Variants in PHACTR4 observed in about 807,000 individuals in gnomAD.
PHACTR4 encodes protein phosphatase 1, regulatory subunit 124.
Under a neutral mutation model 72.7 loss-of-function variants are expected in PHACTR4, and 51 were observed. The observed-to-expected ratio is 0.70, with a 90% CI of 0.56 to 0.89. PHACTR4 has a LOEUF of 0.89. PHACTR4 is among the 40% of genes least tolerant of loss of function. PHACTR4 has a pLI of 0.00. For synonymous variants in PHACTR4, 255 were observed against 302.5 expected, an observed-to-expected ratio of 0.84 and a Z score of 1.63; for missense variants, 731 against 861.8, an observed-to-expected ratio of 0.85 and a Z score of 1.90.
chr1:28,377,688 T>G (rs969077863), intron 1 of PHACTR4, among the ~76,000 whole-genome samples: 2 of 152,002 alleles, frequency 1.3e-5, no homozygotes, highest in African/African-American at 4.8e-5. Context: ...AAAGTTAGCT[T>G]GGCATGTGGC....
At chr1:28,456,034 ATTTTT>A (rs910781187) in intron 2 of PHACTR4, among the ~76,000 whole-genome samples, 4 of 149,368 alleles carry the variant, frequency 2.7e-5, no homozygotes, top group Non-Finnish European at 6.0e-5. Flanking sequence ...TGTATCAACT[ATTTTT>A]TTTTTGAGAC....
chr1:28,415,246 G>A (rs1366160349), intron 2 of PHACTR4, among the ~76,000 whole-genome samples: 4 of 145,882 alleles, frequency 2.7e-5, no homozygotes, highest in African/African-American at 1.0e-4. Flanking sequence ...GGGCAACAGA[G>A]CGAGACTCTG....
At position 28,493,090 on chromosome 1, in the gene PHACTR4, C is replaced by T. The variant is rs754775218; in HGVS notation, c.2092C>T (p.Arg698Cys). ...EVHEESKHFT[R>C]YHRP The stretch of plus-strand genomic sequence containing the variant: ...TCATGAAGAGAGCAAACATTTTACA[C>T]GGTAAGACCCAAAAGACCCAATCAT... Residue 698 changes from arginine (R) to cysteine (C), a missense_variant and splice_region_variant, in exon 13 of 14, where the codon CGC becomes TGC. Arg to Cys is a radical substitution (Grantham distance 180, BLOSUM62 -3). Transcript: ENST00000373839. 37 of 1,609,936 alleles carry T rather than the reference C, an allele frequency of 2.3e-5. No homozygotes were observed. The highest frequency in any genetic ancestry group is 3.1e-5 in the Non-Finnish European group (37 of 1,176,406).
chr1:28,483,617 C>T (rs985168999), intron 9 of PHACTR4, among the ~76,000 whole-genome samples: 33 of 151,518 alleles, frequency 2.2e-4, no homozygotes, highest in Admixed American at 5.9e-4. Flanking sequence ...CTGGCTAACA[C>T]GATGAAACCC....
chr1:28,393,649 A>G (rs1653238155), intron 1 of PHACTR4, among the ~76,000 whole-genome samples: 2 of 152,084 alleles, frequency 1.3e-5, no homozygotes, highest in South Asian at 4.1e-4. Flanking sequence ...TATATTTACT[A>G]TACTTTTTAA....
chr1:28,484,479 T>A (rs1315775035), intron 9 of PHACTR4, among the ~76,000 whole-genome samples: 1 of 150,898 alleles, frequency 6.6e-6, no homozygotes, highest in Non-Finnish European at 1.5e-5. Context: ...TGTGTGTATG[T>A]GTATATATAT....
In PHACTR4 at chr1:28,493,022, T is replaced by C. The variant is rs1268185311; in HGVS notation, c.2024T>C (p.Ile675Thr). ...TTTGTCTCTACTCCACAGGCTGCCA[T>C]AAGAAAAGAATTAAATGAATTTAAA... ...TKLTPADKAA[I>T]RKELNEFKSS... Residue 675 changes from isoleucine (I) to threonine (T), a missense_variant, in exon 13 of 14, where the codon ATA (isoleucine) becomes ACA (threonine). Physicochemically the swap from Ile to Thr is moderately conservative, Grantham distance 89. This residue lies in a region of PHACTR4 where 110 missense variants were observed against 185.2 expected (regional missense o/e 0.59). Coordinates refer to ENST00000373839, the MANE Select transcript of PHACTR4 (RefSeq NM_001048183.3). 6.2e-7 allele frequency: 1 copy of C among 1,612,188 alleles called. No individual in the cohort carries two copies. The highest frequency in any genetic ancestry group is 1.1e-5 in the South Asian group (1 of 91,030).
chr1:28,482,736 T>C (rs898322504), intron 9 of PHACTR4, among the ~76,000 whole-genome samples: 2 of 151,738 alleles, frequency 1.3e-5, no homozygotes, highest in African/African-American at 2.4e-5. Flanking sequence ...GCCCAGGAGT[T>C]TCAGAGCAAC....
At chr1:28,378,198 T>TAAAAAAA (rs60280611) in intron 1 of PHACTR4, among the ~76,000 whole-genome samples, 10 of 76,402 alleles carry the variant, frequency 1.3e-4, no homozygotes, top group African/African-American at 1.9e-4. Context: ...CTCCATCTCA[T>TAAAAAAA]AAAAAAAAAA....
In PHACTR4 at chr1:28,378,061, G is replaced by A. The variant is rs376308729; in HGVS notation, c.-39+8236G>A. Among the ~76,000 whole-genome samples, 3 of 150,600 alleles carry A rather than the reference G, an allele frequency of 2.0e-5. No individual in the cohort carries two copies. In the East Asian group the frequency reaches 5.9e-4, roughly 30 times the overall value. On this transcript the variant is annotated intron_variant, in intron 1 of 13. Coordinates refer to ENST00000373839, the MANE Select transcript of PHACTR4 (RefSeq NM_001048183.3). ...AAGTACAAAAAATTATCCGGGCATG[G>A]TGGTGGGTGCCTGTAGTCCCAGCTA...
intron 1 of PHACTR4, among the ~76,000 whole-genome samples, chr1:28,370,286 G>C (rs1308426754): frequency 6.6e-6 from 1 of 152,160 alleles, no homozygotes; most frequent in South Asian, 2.1e-4. Flanking sequence ...GCAGAACGGG[G>C]GCTTCGGAGC....
intron 1 of PHACTR4, among the ~76,000 whole-genome samples, chr1:28,387,135 C>T (rs1652618662): frequency 2.0e-5 from 3 of 152,036 alleles, no homozygotes; most frequent in East Asian, 3.9e-4. Flanking sequence ...GTGGCACGCA[C>T]CTATAGTCCC....
intron 9 of PHACTR4, among the ~76,000 whole-genome samples, chr1:28,484,242 AC>A (rs1205826306): frequency 6.6e-6 from 1 of 152,002 alleles, no homozygotes; most frequent in East Asian, 1.9e-4. Flanking sequence ...AATCACTTGA[AC>A]CCAGGAGGCA....
chr1:28,402,165 C>T (rs180989843), intron 1 of PHACTR4, among the ~76,000 whole-genome samples: 1 of 152,222 alleles, frequency 6.6e-6, no homozygotes, highest in African/African-American at 2.4e-5. Context: ...CTTAAGCTGC[C>T]ATTTTACTGA....
intron 1 of PHACTR4, among the ~76,000 whole-genome samples, chr1:28,384,123 T>C (rs1652389230): frequency 6.6e-6 from 1 of 151,996 alleles, no homozygotes; most frequent in African/African-American, 2.4e-5. Flanking sequence ...TGAAGTTTTC[T>C]TTTTTTTGTT....
chr1:28,369,836 C>A lies in PHACTR4; in HGVS notation c.-39+11C>A, dbSNP rs1023270341. 1.1e-5 allele frequency: 5 copies of A among 447,418 alleles called. No homozygotes were observed. Among genetic ancestry groups the A allele is most frequent in the African/African-American group, 2.0e-5 (1 of 49,012 alleles). The allele number at this position is 447,418 out of a possible 1,614,324, so 27.7% of individuals were successfully genotyped here. A position where few individuals can be genotyped will look rare whatever the true frequency, so the allele number is the denominator to read the frequency against. On this transcript the variant is annotated intron_variant, in intron 1 of 13. Transcript: ENST00000373839. The stretch of plus-strand genomic sequence containing the variant: ...GCGGCGGAGATCTGGGTAAGTTCAG[C>A]GAGCAAGGGAAAGTGAGCAGGACGC...
chr1:28,465,707 A>G lies in PHACTR4; in HGVS notation c.294A>G (p.Pro98=), dbSNP rs766907723. ...CAGGTGGTGAGGATCCAGGAAAGCC[A>G]AGCGATGCCATGTTAAAGAATGGCC... ...PEQGGEDPGK[P]SDAMLKNGHT... Residue 98 remains proline, a synonymous_variant, in exon 5 of 14, where the codon CCA becomes CCG. Transcript: ENST00000373839. 1.2e-6 allele frequency: 2 copies of G among 1,613,846 alleles called. No individual in the cohort carries two copies. Among genetic ancestry groups the G allele is most frequent in the Non-Finnish European group, 1.7e-6 (2 of 1,179,906 alleles).
intron 1 of PHACTR4, among the ~76,000 whole-genome samples, chr1:28,371,043 A>T (rs943171933): frequency 1.3e-5 from 2 of 152,214 alleles, no homozygotes; most frequent in Non-Finnish European, 2.9e-5. Context: ...ATTTGGCTAG[A>T]TAATGGTAAC....
chr1:28,496,805 G>A lies in PHACTR4; in HGVS notation c.*256G>A. On this transcript the variant is annotated 3_prime_UTR_variant, in exon 14 of 14. Coordinates refer to ENST00000373839, the MANE Select transcript of PHACTR4 (RefSeq NM_001048183.3). ...ATGCTTGAGGAGTTTTTCCCTTACT[G>A]GCCACCAAAGTTCTGAACCACTTGC... The A allele has an allele frequency of 1.8e-6, 1 of 554,452 alleles. No individual in the cohort carries two copies. The highest frequency in any genetic ancestry group is 3.1e-5 in the East Asian group (1 of 32,104). 34.3% of individuals were successfully genotyped at this position (554,452 alleles called of 1,614,324 possible).
Sources: allele counts gnomAD v4.1 joint callset (sites outside exome capture counted in the v4.1 genomes callset), GRCh38; gene constraint gnomAD v4.1.1; regional missense constraint gnomAD v4.1.1; transcripts MANE v1.5; gene names NCBI Gene and HGNC (gene_info 2026-07-23, HGNC 2026-07-21).